TMEM8B: variants seen among roughly 807,000 people sequenced by gnomAD.
The protein encoded by TMEM8B is transmembrane protein 8B, also known as nasopharyngeal carcinoma expressed 6.
In TMEM8B, 29 loss-of-function variants were observed where a neutral mutation model predicts 49.3. The ratio of observed to expected loss-of-function variants is 0.59; its 90% CI spans 0.44 to 0.80. TMEM8B has a LOEUF of 0.80. TMEM8B is among the 30% of genes least tolerant of loss of function. The pLI is 0.00. For missense variants in TMEM8B, 575 were observed against 658.5 expected (o/e 0.87, Z 1.39); for synonymous variants, 264 against 272.8 (o/e 0.97, Z 0.32).
Position 35,842,568 on chromosome 9 carries a change from A to G in TMEM8B, c.1486A>G (p.Asn496Asp). 6.2e-7 allele frequency: 1 copy of G among 1,614,202 alleles called. No homozygotes were observed. The highest frequency in any genetic ancestry group is 8.5e-7 in the Non-Finnish European group (1 of 1,180,036). ...HCWPVRPTLR[N>D]ELDTFSVHFY... ...CTGGCCAGTGCGCCCGACTCTGCGCAACGAGCTGGACACCTTCTCTGTCCA... is the reference window on the plus strand; with the variant it reads ...CTGGCCAGTGCGCCCGACTCTGCGCGACGAGCTGGACACCTTCTCTGTCCA... The change falls in exon 6 of 13, where the codon AAC becomes GAC. Residue 496 changes from asparagine to aspartate, a missense_variant. Physicochemically the swap from Asn to Asp is conservative, Grantham distance 23. Transcript: ENST00000643932. The surrounding 1 kb of genome is among the most constrained non-coding windows in gnomAD (Gnocchi z 5.6).
rs1300894786 is a variant in TMEM8B, at chr9:35,854,920, G to C, written c.*1080G>C. The C allele has an allele frequency of 6.6e-6, 1 of 152,200 alleles. No homozygotes were observed. The highest frequency in any genetic ancestry group is 1.5e-5 in the Non-Finnish European group (1 of 68,052). The allele number at this position is 152,200 out of a possible 1,614,324, so 9.4% of individuals were successfully genotyped here. On this transcript the variant is annotated 3_prime_UTR_variant, in exon 13 of 13. Transcript: ENST00000643932. Reference sequence around the variant, plus strand: ...CTCTTTCCATGAGGGTCATAGCTGAGTTCTGAGGGTCTTACATAATGCCAA... The same window carrying C: ...CTCTTTCCATGAGGGTCATAGCTGACTTCTGAGGGTCTTACATAATGCCAA...
Position 35,863,154 on chromosome 9 carries a change from TAAA to T in TMEM8B, c.*9318_*9320del, listed in dbSNP as rs1402243909. 2 of 152,228 alleles carry T rather than the reference TAAA, an allele frequency of 1.3e-5. No individual in the cohort carries two copies. The highest frequency in any genetic ancestry group is 4.8e-5 in the African/African-American group (2 of 41,406). 9.4% of individuals were successfully genotyped at this position (152,228 alleles called of 1,614,324 possible). A position where few individuals can be genotyped will look rare whatever the true frequency, so the allele number is the denominator to read the frequency against. On this transcript the variant is annotated 3_prime_UTR_variant, in exon 13 of 13. Transcript: ENST00000643932. Reference sequence around the variant, plus strand: ...GGGCAACAGAGTGAGGCCCTTTCTCTAAAAAAGCAAACGAAGAACGCTGAACCC... The same window carrying T: ...GGGCAACAGAGTGAGGCCCTTTCTCTAAAGCAAACGAAGAACGCTGAACCC...
chr9:35,847,036 C>T (rs1564037529), intron 10 of TMEM8B, 41 bp downstream of exon 10: 1 of 1,614,182 alleles, frequency 6.2e-7, no homozygotes, highest in East Asian at 2.2e-5. Context: ...GGTGCTTGTG[C>T]ATGGTGGTGG....
Position 35,842,748 on chromosome 9 carries a change from C to A in TMEM8B, c.1635+31C>A. On this transcript the variant is annotated intron_variant, in intron 6 of 12. Transcript: ENST00000643932. This position sits in a 1 kb window ranked among gnomAD's most constrained non-coding sequence, Gnocchi z 5.6. ...CTTTATGGAGAGTGGGGAGGTTGCT[C>A]TGCCAGGGAGCTTGAAGGGGAAGGT... 2 of 1,577,626 alleles carry A rather than the reference C, an allele frequency of 1.3e-6. No homozygotes were observed. Among genetic ancestry groups the A allele is most frequent in the Non-Finnish European group, 1.7e-6 (2 of 1,159,052 alleles).
Position 35,863,013 on chromosome 9 carries a change from G to C in TMEM8B, c.*9173G>C, listed in dbSNP as rs916888849. On this transcript the variant is annotated 3_prime_UTR_variant, in exon 13 of 13. Coordinates refer to ENST00000643932, the MANE Select transcript of TMEM8B (RefSeq NM_001042590.4). ...GTTCTGCCAAAAATCCTGATCCTAG[G>C]CATGGTGGTTTGCACCTGTGGTCAC... 6 of 152,154 alleles carry C rather than the reference G, an allele frequency of 3.9e-5. No individual in the cohort carries two copies. The highest frequency in any genetic ancestry group is 3.9e-4 in the Admixed American group (6 of 15,274). 9.4% of individuals were successfully genotyped at this position (152,154 alleles called of 1,614,324 possible).
rs575447008 is a variant in TMEM8B, at chr9:35,847,349, A to G, written c.2175+354A>G. 18 of 605,784 alleles carry G rather than the reference A, an allele frequency of 3.0e-5. No homozygotes were observed. In the East Asian group the frequency reaches 3.0e-4, roughly 10 times the overall value. 37.5% of individuals were successfully genotyped at this position (605,784 alleles called of 1,614,324 possible). On this transcript the variant is annotated intron_variant, in intron 10 of 12. Coordinates refer to ENST00000643932, the MANE Select transcript of TMEM8B (RefSeq NM_001042590.4). ...TCTGCACAGTCACCATGTTCTCTGT[A>G]TGGGGGCAGGAAATCTATGCTTTCC...
At chr9:35,836,126 G>A (rs988511397) in intron 3 of TMEM8B, among the ~76,000 whole-genome samples, 1 of 152,208 alleles carries the variant, frequency 6.6e-6, no homozygotes, top group Admixed American at 6.5e-5. Flanking sequence ...CTTTGAATGA[G>A]CTGAGACTCA....
intron 3 of TMEM8B, among the ~76,000 whole-genome samples, chr9:35,837,216 G>T (rs1394448138): frequency 6.6e-6 from 1 of 152,206 alleles, no homozygotes; most frequent in Non-Finnish European, 1.5e-5. Flanking sequence ...CAGCTTTGGG[G>T]ATGAGCTCAG....
intron 1 of TMEM8B, among the ~76,000 whole-genome samples, chr9:35,831,545 G>C (rs991499024): frequency 2.0e-5 from 3 of 152,232 alleles, no homozygotes; most frequent in Non-Finnish European, 4.4e-5. Context: ...TGGACACTGG[G>C]CAGAGGCAGT....
chr9:35,846,200 A>G, intron 7 of TMEM8B, 58 bp from the exon 8 acceptor site: 1 of 1,608,426 alleles, frequency 6.2e-7, no homozygotes. Context: ...CAGGTGGGTG[A>G]GGGTTCTTGG....
At position 35,845,887 on chromosome 9, in the gene TMEM8B, TGTGGGTTAACAGGG is replaced by T. The variant is rs1444486671; in HGVS notation, c.1636-82_1636-69del. On this transcript the variant is annotated intron_variant, in intron 6 of 12. Transcript: ENST00000643932. ...GGAGGAATGGGCTGTCCTTGGAAGG[TGTGGGTTAACAGGG>T]GTGGGAGTCTGAGGGTGGCGGTGGG... 15 of 1,605,108 alleles carry T rather than the reference TGTGGGTTAACAGGG, an allele frequency of 9.3e-6. No homozygotes were observed. In the East Asian group the frequency reaches 3.1e-4, roughly 33 times the overall value.
At chr9:35,833,167 C>T (rs1830083376) in intron 1 of TMEM8B, among the ~76,000 whole-genome samples, 1 of 152,156 alleles carries the variant, frequency 6.6e-6, no homozygotes, top group Non-Finnish European at 1.5e-5. Context: ...TTCAAAAACA[C>T]CTCATTTTTG....
At chr9:35,832,245 G>A (rs1398450356) in intron 1 of TMEM8B, among the ~76,000 whole-genome samples, 3 of 151,338 alleles carry the variant, frequency 2.0e-5, no homozygotes, top group Non-Finnish European at 4.4e-5. Flanking sequence ...AATTACCCTA[G>A]CTTCATCATA....
chr9:35,849,109 G>T (rs1423285632), intron 10 of TMEM8B, among the ~76,000 whole-genome samples: 1 of 152,106 alleles, frequency 6.6e-6, no homozygotes, highest in African/African-American at 2.4e-5. Flanking sequence ...TTCCCTGCAG[G>T]TTCTCTGTGG....
At position 35,853,170 on chromosome 9, in the gene TMEM8B, G is replaced by C; in HGVS notation, c.2352G>C (p.Leu784=). Residue 784 remains leucine, a synonymous_variant, in exon 12 of 13, where the codon CTG becomes CTC. Coordinates refer to ENST00000643932, the MANE Select transcript of TMEM8B (RefSeq NM_001042590.4). The surrounding 1 kb of genome is among the most constrained non-coding windows in gnomAD (Gnocchi z 4.2). Reference sequence around the variant, plus strand: ...TGTATTTGCTGGGAGCTATGCTGCTGTCCATGGCTCTGCAGCTTGACCGAC... The same window carrying C: ...TGTATTTGCTGGGAGCTATGCTGCTCTCCATGGCTCTGCAGCTTGACCGAC... ...QVLYLLGAML[L]SMALQLDRHG... 1.2e-6 allele frequency: 2 copies of C among 1,614,148 alleles called. No homozygotes were observed. The highest frequency in any genetic ancestry group is 1.7e-6 in the Non-Finnish European group (2 of 1,179,980).
Position 35,829,719 on chromosome 9 carries a change from C to G in TMEM8B, c.272C>G (p.Pro91Arg). Residue 91 changes from proline (P) to arginine (R), a missense_variant, in exon 1 of 13, where the codon CCA becomes CGA. By Grantham distance (103) the Pro-to-Arg change is moderately radical. Coordinates refer to ENST00000643932, the MANE Select transcript of TMEM8B (RefSeq NM_001042590.4). ...LAQPRPLLQS[P>R]SQPFLPSHSL... ...CAACCCCGTCCCTTGCTGCAGTCCCCATCACAGCCCTTCCTTCCATCCCAC... is the reference window on the plus strand; with the variant it reads ...CAACCCCGTCCCTTGCTGCAGTCCCGATCACAGCCCTTCCTTCCATCCCAC... 2 of 408,320 alleles carry G rather than the reference C, an allele frequency of 4.9e-6. No homozygotes were observed. The highest frequency in any genetic ancestry group is 8.8e-6 in the Non-Finnish European group (2 of 227,608). The allele number at this position is 408,320 out of a possible 1,614,324, so 25.3% of individuals were successfully genotyped here.
chr9:35,848,541 G>A (rs1006022564), intron 10 of TMEM8B, among the ~76,000 whole-genome samples: 1 of 152,172 alleles, frequency 6.6e-6, no homozygotes, highest in Non-Finnish European at 1.5e-5. Context: ...AGTGTTCAGT[G>A]CTAGATGACT....
chr9:35,848,634 C>G (rs1373657620), intron 10 of TMEM8B, among the ~76,000 whole-genome samples: 1 of 151,792 alleles, frequency 6.6e-6, no homozygotes, highest in Non-Finnish European at 1.5e-5. Flanking sequence ...AAGTGCCTGG[C>G]ACCACATAAA....
chr9:35,843,877 C>G (rs1831259643), intron 6 of TMEM8B, among the ~76,000 whole-genome samples: 1 of 152,036 alleles, frequency 6.6e-6, no homozygotes, highest in African/African-American at 2.4e-5. Context: ...ATTCTTGTGC[C>G]TCAGCCTCCA....
Sources: allele counts gnomAD v4.1 joint callset (sites outside exome capture counted in the v4.1 genomes callset), GRCh38; gene constraint gnomAD v4.1.1; non-coding constraint Gnocchi (gnomAD v3.1); transcripts MANE v1.5; gene names NCBI Gene and HGNC (gene_info 2026-07-23, HGNC 2026-07-21).